The following LZTR1 variants were observed in gnomAD, a reference collection of about 807,000 sequenced individuals.
LZTR1 encodes leucine-zipper-like transcriptional regulator 1.
LZTR1 carries 260 observed loss-of-function variants against 105.7 expected under a neutral mutation model. The ratio of observed to expected loss-of-function variants is 2.46; its 90% CI spans 2.22 to 2.72. LZTR1 has a LOEUF of 2.72. Among genes scored for constraint, LZTR1 ranks in the 30% most tolerant of loss-of-function variants. The probability of loss-of-function intolerance (pLI) is 0.00; values close to 1 mark genes in which losing one functional copy is unlikely to be tolerated. For synonymous variants in LZTR1, 490 were observed against 476.4 expected, an observed-to-expected ratio of 1.03 and a Z score of -0.37; for missense variants, 1,214 against 1,166.9, an observed-to-expected ratio of 1.04 and a Z score of -0.59.
At position 20,993,924 on chromosome 22, in the gene LZTR1, AAGG is replaced by A. The variant is rs1569156873; in HGVS notation, c.1360_1362del (p.Glu454del). On this transcript the variant is annotated inframe_deletion and splice_region_variant, in exon 13 of 21. Coordinates refer to ENST00000646124, the MANE Select transcript of LZTR1 (RefSeq NM_006767.4). ...TGCCAGTGCATCATTCTTTGTGCAGAAGGAGGAGTGCGTGCAGGGCCACGTAGC... is the reference window on the plus strand; with the variant it reads ...TGCCAGTGCATCATTCTTTGTGCAGAAGGAGTGCGTGCAGGGCCACGTAGC... 2.5e-6 allele frequency: 4 copies of A among 1,611,646 alleles called. No homozygotes were observed. Among genetic ancestry groups the A allele is most frequent in the East Asian group, 2.2e-5 (1 of 44,844 alleles).
chr22:20,998,572 CCT>C lies in LZTR1; in HGVS notation c.*1225_*1226del, dbSNP rs1414311048. ...GGGTGTATGCAGGTGTGTGGGGGGC[CCT>C]GAGTGGCAAGTTGCTTAGCTAACAG... On this transcript the variant is annotated 3_prime_UTR_variant, in exon 21 of 21. Coordinates refer to ENST00000646124, the MANE Select transcript of LZTR1 (RefSeq NM_006767.4). 1 of 152,516 alleles carries C rather than the reference CCT, an allele frequency of 6.6e-6. No homozygotes were observed. Among genetic ancestry groups the C allele is most frequent in the East Asian group, 1.9e-4 (1 of 5,186 alleles). The allele number at this position is 152,516 out of a possible 1,614,324, so 9.4% of individuals were successfully genotyped here. A position where few individuals can be genotyped will look rare whatever the true frequency, so the allele number is the denominator to read the frequency against.
chr22:20,995,511 G>A (rs959333241), intron 16 of LZTR1: 1 of 701,024 alleles, frequency 1.4e-6, no homozygotes, highest in African/African-American at 1.8e-5. Flanking sequence ...AGCAAGCTGG[G>A]TGGAAGATGA....
At chr22:20,986,039 G>A (rs528005089) in intron 3 of LZTR1, 142 bp downstream of exon 3, 8 of 836,072 alleles carry the variant, frequency 9.6e-6, no homozygotes, top group African/African-American at 1.7e-5. Context: ...CGGCCTCAGG[G>A]ATGCCACATC....
intron 8 of LZTR1, 104 bp downstream of exon 8, chr22:20,990,629 T>C (rs1232503791): frequency 1.6e-6 from 2 of 1,269,822 alleles, no homozygotes; most frequent in African/African-American, 3.0e-5. Context: ...GTAACCATCC[T>C]TGTGAGCTCT....
At chr22:20,989,815 G>T in intron 7 of LZTR1, 133 bp downstream of exon 7, 1 of 972,036 alleles carries the variant, frequency 1.0e-6, no homozygotes, top group Non-Finnish European at 1.6e-6. Flanking sequence ...GGGGGAGCCA[G>T]GCTGGGGGTC....
chr22:20,985,898 G>C lies in LZTR1; in HGVS notation c.320+1G>C, dbSNP rs943939913. ...ATGTGAAAGACTGCTCCTGGTGCAG[G>C]TGGGTGGCCCCGTGCTCCAGGGCCC... is the stretch of plus-strand genomic sequence containing the variant. On this transcript the variant is annotated splice_donor_variant, in intron 3 of 20. Transcript: ENST00000646124. LOFTEE classifies it high-confidence loss of function. The C allele has an allele frequency of 3.1e-6, 5 of 1,614,112 alleles. No homozygotes were observed. Among genetic ancestry groups the C allele is most frequent in the Non-Finnish European group, 4.2e-6 (5 of 1,180,006 alleles).
At position 20,987,521 on chromosome 22, in the gene LZTR1, C is replaced by G. The variant is rs1569154446; in HGVS notation, c.338C>G (p.Thr113Ser). The stretch of plus-strand genomic sequence containing the variant: ...CACCCCAGGGCCTTTACCACTGGGA[C>G]CCCACCGGCCCCCCGTTACCACCAC... ...CSWCRAFTTG[T>S]PPAPRYHHSA... The change falls in exon 4 of 21, where the codon ACC (threonine) becomes AGC (serine). Residue 113 changes from threonine (T) to serine (S), a missense_variant. Coordinates refer to ENST00000646124, the MANE Select transcript of LZTR1 (RefSeq NM_006767.4). 6.2e-7 allele frequency: 1 copy of G among 1,613,864 alleles called. No homozygotes were observed. The highest frequency in any genetic ancestry group is 8.5e-7 in the Non-Finnish European group (1 of 1,179,780).
chr22:20,990,440 T>A lies in LZTR1; in HGVS notation c.706T>A (p.Cys236Ser), dbSNP rs1453525517. ...PSCCNFPVAVCRDKMFVFSGQ... is the reference protein window; with the variant it reads ...PSCCNFPVAVSRDKMFVFSGQ... ...TTGCTGCAACTTCCCCGTGGCTGTG[T>A]GCCGGGACAAGATGTTTGTATTCTC... Residue 236 changes from cysteine to serine, a missense_variant, in exon 8 of 21, where the codon TGC becomes AGC. By Grantham distance (112) the Cys-to-Ser change is moderately radical. Transcript: ENST00000646124. 2.5e-6 allele frequency: 4 copies of A among 1,614,112 alleles called. No individual in the cohort carries two copies. The highest frequency in any genetic ancestry group is 3.4e-6 in the Non-Finnish European group (4 of 1,180,028).
At chr22:20,992,114 T>G in intron 9 of LZTR1, 100 bp from the exon 10 acceptor site, 5 of 1,237,666 alleles carry the variant, frequency 4.0e-6, no homozygotes, top group Non-Finnish European at 5.7e-6. Context: ...AGCTCTTCCT[T>G]CTTTCAGAAC....
chr22:20,986,508 G>A (rs1924392046), intron 3 of LZTR1: 1 of 152,390 alleles, frequency 6.6e-6, no homozygotes, highest in African/African-American at 2.4e-5. Flanking sequence ...TAGATAGATA[G>A]TGGATAGATG....
intron 7 of LZTR1, 30 bp downstream of exon 7, chr22:20,989,712 T>TGG (rs1924530105): frequency 5.3e-6 from 6 of 1,135,882 alleles, no homozygotes; most frequent in Non-Finnish European, 7.0e-6. Context: ...AGGGCGCAGG[T>TGG]AGAGGAGGTG....
Position 20,997,299 on chromosome 22 carries a change from C to T in LZTR1, c.2474C>T (p.Ala825Val), listed in dbSNP as rs1465898978. The T allele has an allele frequency of 6.2e-7, 1 of 1,613,818 alleles. No homozygotes were observed. The highest frequency in any genetic ancestry group is 1.7e-5 in the Admixed American group (1 of 60,020). ...CTGCTGGACATCATAGACTCCCTGG[C>T]CTCCCACATCTCAGACAAGCAGTGC... The part of the protein sequence containing the change: ...QLLLDIIDSL[A>V]SHISDKQCAE... The change falls in exon 21 of 21, where the codon GCC becomes GTC. Residue 825 changes from alanine to valine, a missense_variant. Ala to Val is a moderately conservative substitution (Grantham distance 64, BLOSUM62 0). Coordinates refer to ENST00000646124, the MANE Select transcript of LZTR1 (RefSeq NM_006767.4).
In LZTR1 at chr22:20,986,125, G is replaced by A. The variant is rs549471223; in HGVS notation, c.320+228G>A. 171 of 583,874 alleles carry A rather than the reference G, an allele frequency of 2.9e-4. 4 individuals carry two copies. The Middle Eastern group carries it at 7.6e-3, about 26-fold the overall frequency. The allele number at this position is 583,874 out of a possible 1,614,324, so 36.2% of individuals were successfully genotyped here. A position where few individuals can be genotyped will look rare whatever the true frequency, so the allele number is the denominator to read the frequency against. On this transcript the variant is annotated intron_variant, in intron 3 of 20. Transcript: ENST00000646124. ...AGCTGCCAAGCTGGGCACACAGGGC[G>A]GCACCCTTCTGGGCTGTCCACCTCT...
At position 20,991,824 on chromosome 22, in the gene LZTR1, A is replaced by G. The variant is rs777443417; in HGVS notation, c.988A>G (p.Ser330Gly). 1.1e-5 allele frequency: 17 copies of G among 1,548,926 alleles called. No individual in the cohort carries two copies. The highest frequency in any genetic ancestry group is 1.7e-4 in the Middle Eastern group (1 of 5,986). The part of the protein sequence containing the change: ...TWEVVQPSSD[S>G]EVGGAEVPER... ...GGAGGTCGTCCAGCCCAGCTCCGAC[A>G]GCGAGGTGAGGGTGCCCAGGGGTGT... is the stretch of plus-strand genomic sequence containing the variant. Residue 330 changes from serine (S) to glycine (G), a missense_variant, in exon 9 of 21, where the codon AGC becomes GGC. Ser to Gly is a moderately conservative substitution (Grantham distance 56). Coordinates refer to ENST00000646124, the MANE Select transcript of LZTR1 (RefSeq NM_006767.4).
chr22:20,983,725 G>A (rs539367777), intron 2 of LZTR1, among the ~76,000 whole-genome samples: 2 of 152,312 alleles, frequency 1.3e-5, no homozygotes, highest in African/African-American at 4.8e-5. Flanking sequence ...GCCTCCTTGG[G>A]GGGCGGGCTT....
At position 20,997,792 on chromosome 22, in the gene LZTR1, G is replaced by T. The variant is rs528649030; in HGVS notation, c.*444G>T. 1 of 166,568 alleles carries T rather than the reference G, an allele frequency of 6.0e-6. No individual in the cohort carries two copies. Among genetic ancestry groups the T allele is most frequent in the Non-Finnish European group, 1.3e-5 (1 of 76,164 alleles). 10.3% of individuals were successfully genotyped at this position (166,568 alleles called of 1,614,324 possible). ...CTTAGCAGACTTGCGCTGCACCAGC[G>T]AATCTGCCTGGGCTGCTCCTGTCCC... On this transcript the variant is annotated 3_prime_UTR_variant, in exon 21 of 21. Coordinates refer to ENST00000646124, the MANE Select transcript of LZTR1 (RefSeq NM_006767.4).
rs535938428 is a variant in LZTR1, at chr22:20,984,680, C to CAG, written c.264-1159_264-1158dup. Reference sequence around the variant, plus strand: ...TCCTGGCTTCCTGGCTGCATGGCCTCAGACACAGCCTTTGAGCCACTAGGC... The same window carrying CAG: ...TCCTGGCTTCCTGGCTGCATGGCCTCAGAGACACAGCCTTTGAGCCACTAGGC... On this transcript the variant is annotated intron_variant, in intron 2 of 20. Coordinates refer to ENST00000646124, the MANE Select transcript of LZTR1 (RefSeq NM_006767.4). 1.3e-3 allele frequency among the ~76,000 whole-genome samples: 196 copies of CAG among 152,052 alleles called. 1 individual carries two copies. The highest frequency in any genetic ancestry group is 4.5e-3 in the African/African-American group (188 of 41,456).
In LZTR1 at chr22:20,991,742, G is replaced by C. The variant is rs143128466; in HGVS notation, c.906G>C (p.Ala302=). 1 of 1,572,018 alleles carries C rather than the reference G, an allele frequency of 6.4e-7. No individual in the cohort carries two copies. The highest frequency in any genetic ancestry group is 1.2e-5 in the South Asian group (1 of 85,926). The change falls in exon 9 of 21, where the codon GCG becomes GCC. Residue 302 remains alanine (A), a synonymous_variant. Coordinates refer to ENST00000646124, the MANE Select transcript of LZTR1 (RefSeq NM_006767.4). ...GCCACCTCTATGTGTTTGGGGGTGC[G>C]GCCGACAACACGCTGCCCAACGAGC... ...FDRHLYVFGG[A]ADNTLPNELH... is the part of the protein sequence containing the mutation.
chr22:20,989,668 A>T lies in LZTR1; in HGVS notation c.637A>T (p.Thr213Ser). ...WTIGLQDRELTCWEEVAQSGE... is the reference protein window; with the variant it reads ...WTIGLQDRELSCWEEVAQSGE... The stretch of plus-strand genomic sequence containing the variant: ...AATTGGCCTCCAGGACCGAGAGCTC[A>T]CCTGCTGGGAGGAGGTGAGGGGCGT... The change falls in exon 7 of 21, where the codon ACC (threonine) becomes TCC (serine). Residue 213 changes from threonine (T) to serine (S), a missense_variant. Transcript: ENST00000646124. 1.9e-6 allele frequency: 3 copies of T among 1,611,132 alleles called. No individual in the cohort carries two copies. The highest frequency in any genetic ancestry group is 2.5e-6 in the Non-Finnish European group (3 of 1,179,020).
Sources: allele counts gnomAD v4.1 joint callset (sites outside exome capture counted in the v4.1 genomes callset), GRCh38; gene constraint gnomAD v4.1.1; transcripts MANE v1.5; gene names NCBI Gene and HGNC (gene_info 2026-07-23, HGNC 2026-07-21).